Variants in COMMD10 observed in about 807,000 individuals in gnomAD.
COMMD10 encodes the protein COMM domain containing 10.
A neutral mutation model predicts 28.9 loss-of-function variants in COMMD10; 33 were observed. That is an observed-to-expected ratio of 1.14 (90% confidence interval 0.87 to 1.53). The LOEUF (loss-of-function observed/expected upper bound fraction) is 1.53, where lower values mean the gene tolerates loss of function less well. Among genes scored for constraint, COMMD10 ranks in the 40% most tolerant of loss-of-function variants. The probability of loss-of-function intolerance (pLI) is 0.00; values close to 1 mark genes in which losing one functional copy is unlikely to be tolerated. For synonymous variants in COMMD10, 110 were observed against 81.7 expected, an observed-to-expected ratio of 1.35 and a Z score of -1.87; for missense variants, 310 against 233.4, an observed-to-expected ratio of 1.33 and a Z score of -2.14.
At chr5:116,188,293 C>T (rs370144347) in intron 5 of COMMD10, among the ~76,000 whole-genome samples, 5 of 152,082 alleles carry the variant, frequency 3.3e-5, no homozygotes, top group Admixed American at 1.3e-4. Flanking sequence ...GTTCTACAGG[C>T]GGAATACACT....
chr5:116,146,867 T>C (rs939661890), intron 5 of COMMD10, among the ~76,000 whole-genome samples: 3 of 151,930 alleles, frequency 2.0e-5, no homozygotes, highest in Non-Finnish European at 4.4e-5. Context: ...TCTATTAAGT[T>C]TTCATATAAA....
chr5:116,186,335 C>T (rs186728253), intron 5 of COMMD10, among the ~76,000 whole-genome samples: 390 of 152,270 alleles, frequency 2.6e-3, no homozygotes, highest in Non-Finnish European at 4.4e-3. Context: ...TTTCCCATTA[C>T]CTTCTGATAG....
chr5:116,101,070 A>G (rs1023611339), intron 4 of COMMD10, among the ~76,000 whole-genome samples: 1 of 152,138 alleles, frequency 6.6e-6, no homozygotes, highest in African/African-American at 2.4e-5. Context: ...AAAAGATATG[A>G]TTCTGTTCTT....
At chr5:116,231,530 T>G (rs966451350) in intron 5 of COMMD10, among the ~76,000 whole-genome samples, 1 of 152,124 alleles carries the variant, frequency 6.6e-6, no homozygotes, top group African/African-American at 2.4e-5. Context: ...GCTGTATGAT[T>G]GCTATACTTC....
chr5:116,148,555 T>C (rs11957382), intron 5 of COMMD10, among the ~76,000 whole-genome samples: 49,152 of 151,736 alleles, frequency 0.32, 11,320 homozygotes, highest in African/African-American at 0.66. Context: ...CAGAATTGTC[T>C]AGGTACAACT....
At chr5:116,260,357 G>A (rs1020831114) in intron 5 of COMMD10, among the ~76,000 whole-genome samples, 2 of 151,760 alleles carry the variant, frequency 1.3e-5, no homozygotes, top group African/African-American at 2.4e-5. Flanking sequence ...GAAATTTCTT[G>A]GGTAATGTTT....
chr5:116,290,320 C>A (rs1292018005), intron 5 of COMMD10, among the ~76,000 whole-genome samples: 1 of 151,806 alleles, frequency 6.6e-6, no homozygotes, highest in Non-Finnish European at 1.5e-5. Flanking sequence ...TTATATCATT[C>A]TTAAAGGAAG....
intron 5 of COMMD10, among the ~76,000 whole-genome samples, chr5:116,233,441 A>G (rs1002636800): frequency 3.3e-5 from 5 of 152,274 alleles, no homozygotes; most frequent in Middle Eastern, 3.4e-3. Flanking sequence ...AGGGGGAACT[A>G]TACATAACAG....
intron 1 of COMMD10, among the ~76,000 whole-genome samples, chr5:116,086,924 C>G (rs952817988): frequency 2.0e-5 from 3 of 152,202 alleles, no homozygotes; most frequent in Non-Finnish European, 4.4e-5. Context: ...CTGTAGTGAG[C>G]TGAGATCGTG....
At chr5:116,229,985 A>G (rs1344955689) in intron 5 of COMMD10, among the ~76,000 whole-genome samples, 1 of 151,872 alleles carries the variant, frequency 6.6e-6, no homozygotes, top group Non-Finnish European at 1.5e-5. Context: ...AATCAAGACT[A>G]GCTTACTCCC....
chr5:116,232,791 A>C (rs1561678629), intron 5 of COMMD10, among the ~76,000 whole-genome samples: 2 of 152,184 alleles, frequency 1.3e-5, no homozygotes, highest in African/African-American at 4.8e-5. Flanking sequence ...GAAATTACAG[A>C]GTGCTTACAT....
intron 5 of COMMD10, among the ~76,000 whole-genome samples, chr5:116,180,596 G>A (rs1218355058): frequency 6.6e-6 from 1 of 151,668 alleles, no homozygotes; most frequent in East Asian, 1.9e-4. Flanking sequence ...AAATGTTTAA[G>A]AAATTATACG....
At chr5:116,133,558 C>T (rs762847611) in intron 4 of COMMD10, among the ~76,000 whole-genome samples, 1 of 152,058 alleles carries the variant, frequency 6.6e-6, no homozygotes, top group Non-Finnish European at 1.5e-5. Context: ...GAACCTCTTA[C>T]CATCTGGATA....
chr5:116,161,718 C>A (rs1052215435), intron 5 of COMMD10, among the ~76,000 whole-genome samples: 2 of 152,250 alleles, frequency 1.3e-5, no homozygotes, highest in South Asian at 4.1e-4. Flanking sequence ...TAAAGATCTT[C>A]ATCCTCATCA....
chr5:116,177,585 G>T (rs181483872), intron 5 of COMMD10, among the ~76,000 whole-genome samples: 86 of 150,700 alleles, frequency 5.7e-4, no homozygotes, highest in African/African-American at 2.1e-3. Context: ...TGCCTACTCT[G>T]TTAGTTTCTT....
chr5:116,115,942 G>A (rs1294298234), intron 4 of COMMD10, among the ~76,000 whole-genome samples: 3 of 152,160 alleles, frequency 2.0e-5, no homozygotes, highest in East Asian at 1.9e-4. Flanking sequence ...GGTTTTGTCA[G>A]GGAGTTTTAA....
chr5:116,213,296 G>A (rs533319991), intron 5 of COMMD10, among the ~76,000 whole-genome samples: 1 of 152,174 alleles, frequency 6.6e-6, no homozygotes, highest in African/African-American at 2.4e-5. Context: ...GTGAATACTA[G>A]GCTCCCTTGC....
chr5:116,162,238 T>G (rs1049952550), intron 5 of COMMD10, among the ~76,000 whole-genome samples: 2 of 152,182 alleles, frequency 1.3e-5, no homozygotes, highest in African/African-American at 4.8e-5. Flanking sequence ...ATACAGAAGT[T>G]GCATAATAGC....
intron 4 of COMMD10, among the ~76,000 whole-genome samples, chr5:116,113,437 A>G (rs1001882587): frequency 2.0e-5 from 3 of 147,500 alleles, no homozygotes; most frequent in Non-Finnish European, 3.0e-5. Flanking sequence ...CCAGTAATTC[A>G]TAAGTTCAAT....
Sources: gnomAD v4.1 joint callset for allele counts (sites outside exome capture counted in the v4.1 genomes callset) on GRCh38, gnomAD v4.1.1 for gene constraint, MANE v1.5 for transcripts, NCBI Gene and HGNC (gene_info 2026-07-23, HGNC 2026-07-21) for gene names.